The following PLEKHG6 variants were observed in gnomAD, a reference collection of about 807,000 sequenced individuals.
PLEKHG6 encodes pleckstrin homology domain-containing family G member 6.
Under a neutral mutation model 97.5 loss-of-function variants are expected in PLEKHG6, and 91 were observed. The observed-to-expected ratio is 0.93, with a 90% confidence interval of 0.79 to 1.11. PLEKHG6 has a LOEUF of 1.11. PLEKHG6 is among the 50% of genes most tolerant of loss of function. The pLI is 0.00. For missense variants in PLEKHG6, 1,044 were observed against 1,031.0 expected (o/e 1.01, Z -0.17); for synonymous variants, 466 against 425.5 (o/e 1.10, Z -1.17).
At chr12:6,313,292 G>A in intron 2 of PLEKHG6, 1 of 1,102,578 alleles carries the variant, frequency 9.1e-7, no homozygotes, top group South Asian at 1.4e-5. Context: ...CACCCCCCAT[G>A]GTACGGAGAG....
Position 6,315,479 on chromosome 12 carries a change from C to G in PLEKHG6, c.460-75C>G, listed in dbSNP as rs992642019. 39 of 957,744 alleles carry G rather than the reference C, an allele frequency of 4.1e-5. No homozygotes were observed. The highest frequency in any genetic ancestry group is 6.2e-5 in the Non-Finnish European group (39 of 626,154). 59.3% of individuals were successfully genotyped at this position (957,744 alleles called of 1,614,324 possible). On this transcript the variant is annotated intron_variant, in intron 4 of 15. Coordinates refer to ENST00000684764, the MANE Select transcript of PLEKHG6 (RefSeq NM_001384598.1). This position sits in a 1 kb window ranked among gnomAD's most constrained non-coding sequence, Gnocchi z 4.5. The stretch of plus-strand genomic sequence containing the variant: ...GTGCCTAGAACCTATGAAGTGGATC[C>G]GGTCGCACTTAACAGCTGGTACTTG...
chr12:6,317,410 G>A lies in PLEKHG6; in HGVS notation c.864G>A (p.Val288=). Residue 288 remains valine (V), a synonymous_variant, in exon 8 of 16, where the codon GTG becomes GTA. Transcript: ENST00000684764. ...CTAACCCTCTCTTCCATGCCTTCGT[G>A]CAGGTGGGAGAAGGGGTGCTGGGGA... ...QETNPLFHAF[V]QWCEKHKRSG... The A allele has an allele frequency of 6.2e-7, 1 of 1,612,834 alleles. No individual in the cohort carries two copies. Among genetic ancestry groups the A allele is most frequent in the African/African-American group, 1.3e-5 (1 of 75,020 alleles).
At position 6,317,404 on chromosome 12, in the gene PLEKHG6, C is replaced by T; in HGVS notation, c.858C>T (p.Ala286=). The T allele has an allele frequency of 6.2e-7, 1 of 1,613,482 alleles. No homozygotes were observed. Among genetic ancestry groups the T allele is most frequent in the Non-Finnish European group, 8.5e-7 (1 of 1,179,488 alleles). ...EQQETNPLFH[A]FVQWCEKHKR... Reference sequence around the variant, plus strand: ...AAGAAACTAACCCTCTCTTCCATGCCTTCGTGCAGGTGGGAGAAGGGGTGC... The same window carrying T: ...AAGAAACTAACCCTCTCTTCCATGCTTTCGTGCAGGTGGGAGAAGGGGTGC... The change falls in exon 8 of 16, where the codon GCC becomes GCT. Residue 286 remains alanine, a synonymous_variant. Transcript: ENST00000684764.
intron 2 of PLEKHG6, chr12:6,312,629 A>G: frequency 7.8e-7 from 1 of 1,275,038 alleles, no homozygotes; most frequent in Non-Finnish European, 9.9e-7. Context: ...CAGGTCTCAG[A>G]CAAAGAGCTG....
intron 2 of PLEKHG6, 196 bp downstream of exon 2, chr12:6,312,560 C>A (rs1947310731): frequency 1.7e-6 from 2 of 1,189,226 alleles, no homozygotes; most frequent in African/African-American, 1.6e-5. Flanking sequence ...CCAGTCCCAG[C>A]AGCTGGGCAG....
chr12:6,327,292 T>G lies in PLEKHG6; in HGVS notation c.1709T>G (p.Val570Gly). 2 of 1,610,980 alleles carry G rather than the reference T, an allele frequency of 1.2e-6. No homozygotes were observed. Among genetic ancestry groups the G allele is most frequent in the South Asian group, 1.1e-5 (1 of 90,776 alleles). The change falls in exon 15 of 16, where the codon GTG becomes GGG. Residue 570 changes from valine (V) to glycine (G), a missense_variant. By Grantham distance (109) the Val-to-Gly change is moderately radical. Transcript: ENST00000684764. ...TCGACCATTATCCCCCACCTGGTGG[T>G]GACAGAAGACACAGATGAAGATGCT... ...EFSTIIPHLV[V>G]TEDTDEDAPL... is the part of the protein sequence containing the mutation.
At position 6,327,275 on chromosome 12, in the gene PLEKHG6, TA is replaced by T. The variant is rs1197515205; in HGVS notation, c.1693del (p.Ile565SerfsTer6). 1.9e-6 allele frequency: 3 copies of T among 1,602,780 alleles called. No individual in the cohort carries two copies. Among genetic ancestry groups the T allele is most frequent in the African/African-American group, 2.7e-5 (2 of 74,576 alleles). On this transcript the variant is annotated frameshift_variant, in exon 15 of 16. Transcript: ENST00000684764. LOFTEE classifies it high-confidence loss of function. ...GTAGGACTCCTGAGTTCTCGACCAT[TA>T]TCCCCCACCTGGTGGTGACAGAAGA... ...EGRTPEFSTI[I>X]PHLVVTEDTD... is the part of the protein sequence containing the mutation.
At position 6,312,294 on chromosome 12, in the gene PLEKHG6, A is replaced by G. The variant is rs1389422075; in HGVS notation, c.68A>G (p.Tyr23Cys). 6.4e-7 allele frequency: 1 copy of G among 1,563,962 alleles called. No individual in the cohort carries two copies. Among genetic ancestry groups the G allele is most frequent in the South Asian group, 1.2e-5 (1 of 83,050 alleles). Reference protein sequence around the residue: ...QGLVASRIETYGGRHRASAQS... With the variant: ...QGLVASRIETCGGRHRASAQS... ...CTCGTGGCCTCCCGCATTGAGACTT[A>G]TGGGGGCCGGCATCGAGCCTCTGCT... Residue 23 changes from tyrosine to cysteine, a missense_variant, in exon 2 of 16, where the codon TAT (tyrosine) becomes TGT (cysteine). Tyr to Cys is a radical substitution (Grantham distance 194). Coordinates refer to ENST00000684764, the MANE Select transcript of PLEKHG6 (RefSeq NM_001384598.1).
rs200306903 is a variant in PLEKHG6 at position 6,319,053 on chromosome 12, A to C, written c.1469A>C (p.His490Pro). 7.1e-5 allele frequency: 115 copies of C among 1,613,848 alleles called. No individual in the cohort carries two copies. Among genetic ancestry groups the C allele is most frequent in the Non-Finnish European group, 9.4e-5 (111 of 1,179,934 alleles). The change falls in exon 13 of 16, where the codon CAC (histidine) becomes CCC (proline). Residue 490 changes from histidine to proline, a missense_variant. Coordinates refer to ENST00000684764, the MANE Select transcript of PLEKHG6 (RefSeq NM_001384598.1). Reference sequence around the variant, plus strand: ...TGTGTCTCCAGCGCCCTCCTTGTGCACTGTCCCAGTCCTACAGACCGTGCC... The same window carrying C: ...TGTGTCTCCAGCGCCCTCCTTGTGCCCTGTCCCAGTCCTACAGACCGTGCC... ...FQCVSSALLV[H>P]CPSPTDRAQW...
At chr12:6,313,567 A>C in intron 2 of PLEKHG6, 62 bp from the exon 3 acceptor site, 1 of 1,584,674 alleles carries the variant, frequency 6.3e-7, no homozygotes, top group Non-Finnish European at 8.6e-7. Context: ...CCCCCCTACT[A>C]CCTCTCTGGG....
intron 14 of PLEKHG6, 72 bp downstream of exon 14, chr12:6,326,645 C>G: frequency 7.5e-7 from 1 of 1,332,862 alleles, no homozygotes; most frequent in Non-Finnish European, 9.9e-7. Flanking sequence ...AATGGCATTA[C>G]TGCACATTTT....
Position 6,315,111 on chromosome 12 carries a change from G to T in PLEKHG6, c.401G>T (p.Gly134Val), listed in dbSNP as rs1199782397. 3 of 1,612,940 alleles carry T rather than the reference G, an allele frequency of 1.9e-6. No homozygotes were observed. Among genetic ancestry groups the T allele is most frequent in the Non-Finnish European group, 2.5e-6 (3 of 1,180,014 alleles). ...EDRRHWEIGE[G>V]GDSGLTIEKS... The stretch of plus-strand genomic sequence containing the variant: ...CGGCGGCACTGGGAGATAGGAGAGG[G>T]TGGCGACAGTGGCCTGACCATCGAG... Residue 134 changes from glycine (G) to valine (V), a missense_variant, in exon 4 of 16, where the codon GGT becomes GTT. Coordinates refer to ENST00000684764, the MANE Select transcript of PLEKHG6 (RefSeq NM_001384598.1). The surrounding 1 kb of genome is among the most constrained non-coding windows in gnomAD (Gnocchi z 4.5).
At chr12:6,326,129 A>G (rs1346531316) in intron 13 of PLEKHG6, among the ~76,000 whole-genome samples, 2 of 151,526 alleles carry the variant, frequency 1.3e-5, no homozygotes, top group African/African-American at 2.4e-5. Flanking sequence ...AGATGGTGAA[A>G]CCCCATCTCT....
rs189394433 is a variant in PLEKHG6 at position 6,315,848 on chromosome 12, C to G, written c.556-21C>G. 6.4e-7 allele frequency: 1 copy of G among 1,550,960 alleles called. No homozygotes were observed. The highest frequency in any genetic ancestry group is 8.7e-7 in the Non-Finnish European group (1 of 1,146,518). On this transcript the variant is annotated intron_variant, in intron 5 of 15. Coordinates refer to ENST00000684764, the MANE Select transcript of PLEKHG6 (RefSeq NM_001384598.1). This position sits in a 1 kb window ranked among gnomAD's most constrained non-coding sequence, Gnocchi z 4.5. ...TGAAGGGCTGCGCTGGGTCCTGAGA[C>G]CCTCGTCTCCCTCCCTGCAGCTGCT...
chr12:6,315,713 C>A lies in PLEKHG6; in HGVS notation c.555+64C>A. On this transcript the variant is annotated intron_variant, in intron 5 of 15. Transcript: ENST00000684764. This position sits in a 1 kb window ranked among gnomAD's most constrained non-coding sequence, Gnocchi z 4.5. ...CTGCATGAGCCCCCATCCTCCCAGA[C>A]TGGAAGGCAGGTCACTGGGGGAGGG... 7.9e-7 allele frequency: 1 copy of A among 1,272,440 alleles called. No homozygotes were observed. Among genetic ancestry groups the A allele is most frequent in the South Asian group, 1.4e-5 (1 of 73,146 alleles). The allele number at this position is 1,272,440 out of a possible 1,614,324, so 78.8% of individuals were successfully genotyped here. A position where few individuals can be genotyped will look rare whatever the true frequency, so the allele number is the denominator to read the frequency against.
rs1408428284 is a variant in PLEKHG6 at position 6,327,409 on chromosome 12, G to A, written c.1826G>A (p.Arg609His). Residue 609 changes from arginine to histidine, a missense_variant, in exon 15 of 16, where the codon CGC (arginine) becomes CAC (histidine). Transcript: ENST00000684764. ...TCCCGCTCCCCACTGAGCCGTCTAC[G>A]CCAAAGAGCCCTTCGGCGGGACCCT... ...TGSRSPLSRL[R>H]QRALRRDPRL... 14 of 1,613,952 alleles carry A rather than the reference G, an allele frequency of 8.7e-6. No homozygotes were observed. The highest frequency in any genetic ancestry group is 2.2e-5 in the East Asian group (1 of 44,886).
At position 6,327,430 on chromosome 12, in the gene PLEKHG6, A is replaced by C; in HGVS notation, c.1847A>C (p.Asp616Ala). ...SRLRQRALRRDPRLTFSTLEL... is the reference protein window; with the variant it reads ...SRLRQRALRRAPRLTFSTLEL... ...CTACGCCAAAGAGCCCTTCGGCGGGACCCTCGCCTCACCTTCTCCACCCTG... is the reference window on the plus strand; with the variant it reads ...CTACGCCAAAGAGCCCTTCGGCGGGCCCCTCGCCTCACCTTCTCCACCCTG... The change falls in exon 15 of 16, where the codon GAC (aspartate) becomes GCC (alanine). Residue 616 changes from aspartate to alanine, a missense_variant. By Grantham distance (126) the Asp-to-Ala change is moderately radical. Coordinates refer to ENST00000684764, the MANE Select transcript of PLEKHG6 (RefSeq NM_001384598.1). 1.9e-6 allele frequency: 3 copies of C among 1,613,744 alleles called. No individual in the cohort carries two copies. Among genetic ancestry groups the C allele is most frequent in the Non-Finnish European group, 2.5e-6 (3 of 1,179,830 alleles).
Position 6,317,190 on chromosome 12 carries a change from G to A in PLEKHG6, c.757-113G>A. On this transcript the variant is annotated intron_variant, in intron 7 of 15. Transcript: ENST00000684764. ...GGAGGGAGGGACTGTCAGGAGCTGG[G>A]CTAAGGGCCCCTGCGAGGCTCTCTT... 4.4e-6 allele frequency: 3 copies of A among 684,414 alleles called. No homozygotes were observed. In the South Asian group the frequency reaches 5.0e-5, roughly 11 times the overall value. The allele number at this position is 684,414 out of a possible 1,614,324, so 42.4% of individuals were successfully genotyped here.
rs76751241 is a variant in PLEKHG6 at position 6,312,462 on chromosome 12, C to A, written c.138+98C>A. The A allele has an allele frequency of 6.8e-4, 901 of 1,327,946 alleles. 11 individuals carry two copies. The East Asian group carries it at 0.017, about 25-fold the overall frequency. 82.3% of individuals were successfully genotyped at this position (1,327,946 alleles called of 1,614,324 possible). ...TCCCCTTACAGGTTCAGAGGTTGAG[C>A]TATTCCTGCCCCTTACCCTACTCTT... On this transcript the variant is annotated intron_variant, in intron 2 of 15. Coordinates refer to ENST00000684764, the MANE Select transcript of PLEKHG6 (RefSeq NM_001384598.1).
Sources: allele counts gnomAD v4.1 joint callset (sites outside exome capture counted in the v4.1 genomes callset), GRCh38; gene constraint gnomAD v4.1.1; non-coding constraint Gnocchi (gnomAD v3.1); transcripts MANE v1.5; gene names NCBI Gene and HGNC (gene_info 2026-07-23, HGNC 2026-07-21).